The following CDH12 variants were observed in gnomAD, a reference collection of about 807,000 sequenced individuals.
CDH12 encodes the protein cadherin 12.
In CDH12, 41 loss-of-function variants were observed where a neutral mutation model predicts 74.1. That is an observed-to-expected ratio of 0.55 (90% CI 0.43 to 0.72). The LOEUF (loss-of-function observed/expected upper bound fraction) is 0.72, where lower values mean the gene tolerates loss of function less well. Ranked by LOEUF, CDH12 falls within the 30% of genes least tolerant of loss-of-function variation. CDH12 has a pLI of 0.00. For missense variants in CDH12, 945 were observed against 977.2 expected, an observed-to-expected ratio of 0.97 and a Z score of 0.44; for synonymous variants, 399 against 355.0, an observed-to-expected ratio of 1.12 and a Z score of -1.39.
chr5:22,643,733 CTTTTT>C (rs762944279), intron 1 of CDH12, among the ~76,000 whole-genome samples: 15 of 51,202 alleles, frequency 2.9e-4, no homozygotes, highest in Non-Finnish European at 5.1e-4. Flanking sequence ...TTTAAGGTAT[CTTTTT>C]TTTTTTTTTT....
At chr5:22,814,776 G>A (rs150666249) in intron 1 of CDH12, among the ~76,000 whole-genome samples, 1 of 152,086 alleles carries the variant, frequency 6.6e-6, no homozygotes, top group African/African-American at 2.4e-5. Context: ...GATGTCATAT[G>A]TAATTTGATA....
intron 1 of CDH12, among the ~76,000 whole-genome samples, chr5:22,820,046 C>CATAT (rs1176078378): frequency 6.9e-6 from 1 of 145,102 alleles, no homozygotes; most frequent in Admixed American, 7.0e-5. Context: ...CATATATATA[C>CATAT]ATATACATTG....
At chr5:22,467,515 T>G (rs1017914499) in intron 2 of CDH12, among the ~76,000 whole-genome samples, 2 of 152,192 alleles carry the variant, frequency 1.3e-5, no homozygotes, top group Non-Finnish European at 2.9e-5. Flanking sequence ...TGCAATATAT[T>G]TTAATATTTT....
intron 1 of CDH12, among the ~76,000 whole-genome samples, chr5:22,678,137 T>G (rs1276384482): frequency 6.6e-6 from 1 of 151,936 alleles, no homozygotes; most frequent in Non-Finnish European, 1.5e-5. Flanking sequence ...AATCAGTAGG[T>G]ATTTTGACTG....
intron 3 of CDH12, among the ~76,000 whole-genome samples, chr5:22,340,419 C>T (rs187801820): frequency 3.3e-5 from 5 of 150,858 alleles, no homozygotes; most frequent in South Asian, 2.1e-4. Flanking sequence ...CCCAGCTACT[C>T]GGGAGGCTGA....
At chr5:22,812,999 C>T (rs945068896) in intron 1 of CDH12, among the ~76,000 whole-genome samples, 1 of 152,082 alleles carries the variant, frequency 6.6e-6, no homozygotes, top group African/African-American at 2.4e-5. Flanking sequence ...TCTGGACTGA[C>T]CTAGCTGGGA....
chr5:22,253,074 A>C (rs900321490), intron 3 of CDH12, among the ~76,000 whole-genome samples: 7 of 151,962 alleles, frequency 4.6e-5, no homozygotes, highest in African/African-American at 1.7e-4. Context: ...ACCTAGCACC[A>C]TGTTGACCAT....
chr5:22,691,752 C>T (rs1452826761), intron 1 of CDH12, among the ~76,000 whole-genome samples: 1 of 152,144 alleles, frequency 6.6e-6, no homozygotes, highest in Non-Finnish European at 1.5e-5. Flanking sequence ...TGCCATTTGG[C>T]TTACCCTATC....
At chr5:21,777,063 G>A (rs981448126) in intron 11 of CDH12, among the ~76,000 whole-genome samples, 4 of 152,074 alleles carry the variant, frequency 2.6e-5, no homozygotes, top group Non-Finnish European at 4.4e-5. Context: ...GTGCTATTAT[G>A]TTGATCAAAT....
intron 2 of CDH12, among the ~76,000 whole-genome samples, chr5:22,450,105 A>G (rs1744984122): frequency 1.3e-5 from 2 of 152,006 alleles, no homozygotes; most frequent in Admixed American, 1.3e-4. Flanking sequence ...TATTATTTCT[A>G]TGACTTCTGA....
rs114738173 is a variant in CDH12, at chr5:22,112,339, T to C, written c.-186-33477A>G. ...AAGAAAAACATATTTTTCTTGTTTTTTCTTTTTGATGCATTCATATGTGTA... is the reference window on the plus strand; with the variant it reads ...AAGAAAAACATATTTTTCTTGTTTTCTCTTTTTGATGCATTCATATGTGTA... On this transcript the variant is annotated intron_variant, in intron 4 of 14. Transcript: ENST00000382254. 6.9e-3 allele frequency among the ~76,000 whole-genome samples: 1,058 copies of C among 152,258 alleles called. 16 individuals carry two copies. The highest frequency in any genetic ancestry group is 0.024 in the African/African-American group (1,010 of 41,572).
rs763984031 is a variant in CDH12, at chr5:21,854,672, T to G, written c.645A>C (p.Thr215=). 2 of 1,594,724 alleles carry G rather than the reference T, an allele frequency of 1.3e-6. No homozygotes were observed. Among genetic ancestry groups the G allele is most frequent in the Non-Finnish European group, 1.7e-6 (2 of 1,171,268 alleles). ...TGTTGCCTCTAATAAAAAATTTACC[T>G]GTCTTGGGATCAATAGAGAAATAAG... ...GQPYFSIDPK[T]GVIRTALPNM... The change falls in exon 7 of 15, where the codon ACA becomes ACC. Residue 215 remains threonine (T), a splice_region_variant and synonymous_variant. Coordinates refer to ENST00000382254, the MANE Select transcript of CDH12 (RefSeq NM_004061.5).
chr5:22,599,435 C>A (rs1035366286), intron 1 of CDH12, among the ~76,000 whole-genome samples: 1 of 152,164 alleles, frequency 6.6e-6, no homozygotes, highest in Non-Finnish European at 1.5e-5. Context: ...TGCCCTCTGG[C>A]CACTGCCCCA....
chr5:22,495,406 T>C (rs7709985), intron 2 of CDH12, among the ~76,000 whole-genome samples: 59,285 of 152,032 alleles, frequency 0.39, 11,906 homozygotes, highest in Non-Finnish European at 0.44. Context: ...GGAATGTTTT[T>C]AGTTATAAAT....
intron 5 of CDH12, among the ~76,000 whole-genome samples, chr5:21,982,000 T>C (rs923284145): frequency 5.9e-5 from 9 of 152,168 alleles, no homozygotes; most frequent in African/African-American, 2.2e-4. Flanking sequence ...ATAAGCCTGA[T>C]AGTTAATTTT....
At chr5:22,504,052 T>C (rs1736285213) in intron 2 of CDH12, among the ~76,000 whole-genome samples, 2 of 152,008 alleles carry the variant, frequency 1.3e-5, no homozygotes, top group African/African-American at 4.8e-5. Context: ...ATCAGAGATT[T>C]AGAAATTAAT....
intron 7 of CDH12, among the ~76,000 whole-genome samples, chr5:21,849,564 T>C (rs1579830003): frequency 6.6e-6 from 1 of 151,838 alleles, no homozygotes; most frequent in Non-Finnish European, 1.5e-5. Context: ...GCCTTTGCTA[T>C]CCCATAATCA....
At chr5:22,741,663 C>T (rs1353510610) in intron 1 of CDH12, among the ~76,000 whole-genome samples, 1 of 152,130 alleles carries the variant, frequency 6.6e-6, no homozygotes, top group Non-Finnish European at 1.5e-5. Flanking sequence ...ATATTCACAT[C>T]TGTATGTGTC....
Position 22,801,891 on chromosome 5 carries a change from T to C in CDH12, c.-523+51167A>G, listed in dbSNP as rs192565351. The stretch of plus-strand genomic sequence containing the variant: ...CAACTTCTAAAAAATTGTTATTCAT[T>C]TACTCTATCCTTACTTCCTCCTTTT... On this transcript the variant is annotated intron_variant, in intron 1 of 14. Coordinates refer to ENST00000382254, the MANE Select transcript of CDH12 (RefSeq NM_004061.5). Among the ~76,000 whole-genome samples, 84 of 151,546 alleles carry C rather than the reference T, an allele frequency of 5.5e-4. No homozygotes were observed. The East Asian group carries it at 0.014, about 26-fold the overall frequency.
Sources: allele counts gnomAD v4.1 joint callset (sites outside exome capture counted in the v4.1 genomes callset), GRCh38; gene constraint gnomAD v4.1.1; transcripts MANE v1.5; gene names NCBI Gene and HGNC (gene_info 2026-07-23, HGNC 2026-07-21).